The following PXDNL variants were observed in gnomAD, a reference collection of about 807,000 sequenced individuals.
The protein encoded by PXDNL is peroxidasin like.
PXDNL carries 145 observed loss-of-function variants against 150.8 expected under a neutral mutation model. The ratio of observed to expected loss-of-function variants is 0.96; its 90% CI spans 0.84 to 1.10. PXDNL has a LOEUF of 1.10. Among genes scored for constraint, PXDNL ranks in the 50% least tolerant of loss-of-function variants. The pLI is 0.00. For missense variants in PXDNL, 2,087 were observed against 1,873.9 expected (o/e 1.11, Z -2.10); for synonymous variants, 757 against 725.7 (o/e 1.04, Z -0.69).
chr8:51,533,956 A>C (rs1352864651), intron 4 of PXDNL, among the ~76,000 whole-genome samples: 14 of 145,206 alleles, frequency 9.6e-5, no homozygotes, highest in Non-Finnish European at 1.8e-4. Context: ...ATCGTCTGGG[A>C]TACGAGGAGC....
At chr8:51,442,760 T>C (rs952551521) in intron 12 of PXDNL, among the ~76,000 whole-genome samples, 2 of 152,142 alleles carry the variant, frequency 1.3e-5, no homozygotes, top group African/African-American at 4.8e-5. Flanking sequence ...TTGATATCTA[T>C]GATTACATTT....
At chr8:51,468,744 C>A (rs1264560713) in intron 8 of PXDNL, among the ~76,000 whole-genome samples, 1 of 151,744 alleles carries the variant, frequency 6.6e-6, no homozygotes, top group East Asian at 1.9e-4. Context: ...TGTTAATATT[C>A]CATCTTAATT....
intron 1 of PXDNL, among the ~76,000 whole-genome samples, chr8:51,772,875 C>A (rs549788409): frequency 2.6e-5 from 4 of 152,292 alleles, no homozygotes; most frequent in African/African-American, 9.6e-5. Context: ...AATTGAGGGG[C>A]ACTGACCCCA....
At chr8:51,542,382 T>G (rs1486115944) in intron 4 of PXDNL, among the ~76,000 whole-genome samples, 1 of 152,038 alleles carries the variant, frequency 6.6e-6, no homozygotes, top group East Asian at 1.9e-4. Context: ...ACAATTCATA[T>G]GTTGAAATCT....
intron 1 of PXDNL, among the ~76,000 whole-genome samples, chr8:51,808,296 G>C (rs1383202617): frequency 6.6e-6 from 1 of 152,056 alleles, no homozygotes; most frequent in African/African-American, 2.4e-5. Flanking sequence ...TTATAGAGCA[G>C]GAAACCTCTT....
intron 1 of PXDNL, among the ~76,000 whole-genome samples, chr8:51,673,570 C>A (rs941451897): frequency 6.6e-6 from 1 of 152,124 alleles, no homozygotes; most frequent in Non-Finnish European, 1.5e-5. Context: ...AATGAATGAC[C>A]TTGAGAAGCA....
intron 1 of PXDNL, among the ~76,000 whole-genome samples, chr8:51,700,922 A>ATT: frequency 6.6e-6 from 1 of 150,544 alleles, no homozygotes; most frequent in Non-Finnish European, 1.5e-5. Context: ...CAATATACTC[A>ATT]TATACATACA....
chr8:51,380,043 T>G (rs1479418232), intron 17 of PXDNL, among the ~76,000 whole-genome samples: 1 of 152,044 alleles, frequency 6.6e-6, no homozygotes, highest in African/African-American at 2.4e-5. Context: ...TCCAATCTCT[T>G]GGCTTCCCTG....
In PXDNL at chr8:51,744,067, AAGGAAGGAAGGAAGGAAGGAAGGAAG is replaced by A. The variant is rs2036940931; in HGVS notation, c.164+65088_164+65113del. 1.1e-3 allele frequency among the ~76,000 whole-genome samples: 80 copies of A among 73,160 alleles called. 3 individuals carry two copies. Among genetic ancestry groups the A allele is most frequent in the African/African-American group, 3.3e-3 (64 of 19,590 alleles). 48.0% of individuals were successfully genotyped at this position (73,160 alleles called of 152,430 possible). On this transcript the variant is annotated intron_variant, in intron 1 of 22. Coordinates refer to ENST00000356297, the MANE Select transcript of PXDNL (RefSeq NM_144651.5). ...GAAGGAAGGAAGGAAGGAAGGAAGG[AAGGAAGGAAGGAAGGAAGGAAGGAAG>A]GAAAGAAAGAAAGAAAGAAAGAAAG... is the stretch of plus-strand genomic sequence containing the variant.
In PXDNL at chr8:51,692,819, A is replaced by G. The variant is rs181609468; in HGVS notation, c.165-38059T>C. Among the ~76,000 whole-genome samples the G allele has an allele frequency of 8.1e-4, 123 of 152,370 alleles. 1 individual carries two copies. The highest frequency in any genetic ancestry group is 2.8e-3 in the African/African-American group (115 of 41,590). On this transcript the variant is annotated intron_variant, in intron 1 of 22. Coordinates refer to ENST00000356297, the MANE Select transcript of PXDNL (RefSeq NM_144651.5). ...TACTCTTTGCTTTAACAAACAAGTA[A>G]AAGTTCTCATCTTCCCCATGGAAAA...
intron 1 of PXDNL, among the ~76,000 whole-genome samples, chr8:51,746,039 G>T (rs1293127339): frequency 6.6e-6 from 1 of 152,080 alleles, no homozygotes; most frequent in Non-Finnish European, 1.5e-5. Flanking sequence ...GATTACAGGC[G>T]TGAGCCACCG....
At chr8:51,527,149 T>G (rs2130411560) in intron 4 of PXDNL, among the ~76,000 whole-genome samples, 1 of 152,316 alleles carries the variant, frequency 6.6e-6, no homozygotes, top group Admixed American at 6.5e-5. Flanking sequence ...CCAGAATATC[T>G]TCCCAAAATG....
At chr8:51,754,564 C>G (rs2037079856) in intron 1 of PXDNL, among the ~76,000 whole-genome samples, 1 of 151,920 alleles carries the variant, frequency 6.6e-6, no homozygotes. Flanking sequence ...AGTCCAATGG[C>G]GCGATCTCAG....
At chr8:51,610,300 C>G (rs1012212075) in intron 2 of PXDNL, among the ~76,000 whole-genome samples, 1 of 152,112 alleles carries the variant, frequency 6.6e-6, no homozygotes, top group African/African-American at 2.4e-5. Flanking sequence ...ATCATTAGCA[C>G]CATCCATAGT....
intron 1 of PXDNL, among the ~76,000 whole-genome samples, chr8:51,771,447 T>C (rs1038280289): frequency 6.6e-6 from 1 of 152,218 alleles, no homozygotes; most frequent in South Asian, 2.1e-4. Flanking sequence ...AATCCTCACA[T>C]GGCCCGCGGT....
At chr8:51,483,026 A>G (rs1810637532) in intron 6 of PXDNL, among the ~76,000 whole-genome samples, 1 of 149,344 alleles carries the variant, frequency 6.7e-6, no homozygotes. Flanking sequence ...GGATTAGTGG[A>G]GGGGGTGGGT....
chr8:51,598,596 G>A (rs1232439519), intron 2 of PXDNL, among the ~76,000 whole-genome samples: 1 of 152,216 alleles, frequency 6.6e-6, no homozygotes, highest in East Asian at 1.9e-4. Flanking sequence ...AAGCATATGT[G>A]ATCATGGTGA....
chr8:51,664,092 G>A (rs1350393552), intron 1 of PXDNL, among the ~76,000 whole-genome samples: 1 of 150,116 alleles, frequency 6.7e-6, no homozygotes, highest in African/African-American at 2.4e-5. Flanking sequence ...AGAAATGAGG[G>A]GGTTTGATCT....
intron 19 of PXDNL, among the ~76,000 whole-genome samples, chr8:51,358,130 GAAACCTA>G (rs771125110): frequency 9.6e-4 from 146 of 152,250 alleles, no homozygotes; most frequent in Non-Finnish European, 1.8e-3. Flanking sequence ...TGACCAAATA[GAAACCTA>G]TTATGATAAG....
Sources: allele counts gnomAD v4.1 joint callset (sites outside exome capture counted in the v4.1 genomes callset), GRCh38; gene constraint gnomAD v4.1.1; transcripts MANE v1.5; gene names NCBI Gene and HGNC (gene_info 2026-07-23, HGNC 2026-07-21).